GRM8: variants seen among roughly 807,000 people sequenced by gnomAD.
The protein encoded by GRM8 is glutamate metabotropic receptor 8.
A neutral mutation model predicts 87.2 loss-of-function variants in GRM8; 47 were observed. The ratio of observed to expected loss-of-function variants is 0.54; its 90% CI spans 0.43 to 0.69. The LOEUF is 0.69. Among genes scored for constraint, GRM8 ranks in the 30% least tolerant of loss-of-function variants. GRM8 has a pLI of 0.00. For synonymous variants in GRM8, 396 were observed against 404.5 expected, an observed-to-expected ratio of 0.98 and a Z score of 0.25; for missense variants, 1,019 against 1,139.2, an observed-to-expected ratio of 0.89 and a Z score of 1.52.
At chr7:126,938,431 C>A (rs1348862676) in intron 3 of GRM8, among the ~76,000 whole-genome samples, 1 of 152,066 alleles carries the variant, frequency 6.6e-6, no homozygotes, top group Non-Finnish European at 1.5e-5. Flanking sequence ...AAACCTGTAC[C>A]CTAATTAATA....
chr7:127,119,157 C>T (rs570421080), intron 2 of GRM8, among the ~76,000 whole-genome samples: 2 of 152,156 alleles, frequency 1.3e-5, no homozygotes, highest in South Asian at 4.2e-4. Flanking sequence ...AGAGAGAGCA[C>T]ATCTAAATAC....
At chr7:126,680,928 A>T (rs552922486) in intron 7 of GRM8, among the ~76,000 whole-genome samples, 1 of 152,304 alleles carries the variant, frequency 6.6e-6, no homozygotes, top group East Asian at 1.9e-4. Context: ...ACACGTATGT[A>T]TTCACCTGTG....
intron 8 of GRM8, among the ~76,000 whole-genome samples, chr7:126,584,729 G>A (rs529530539): frequency 1.6e-4 from 24 of 151,988 alleles, no homozygotes; most frequent in Admixed American, 3.3e-4. Context: ...CCCAAATAAC[G>A]TTTGTCGTTT....
intron 7 of GRM8, among the ~76,000 whole-genome samples, chr7:126,647,969 T>C (rs542811522): frequency 2.6e-5 from 4 of 152,198 alleles, no homozygotes; most frequent in Non-Finnish European, 5.9e-5. Context: ...CCAAAGTTTT[T>C]ACTATCACTT....
rs773486344 is a variant in GRM8, at chr7:126,904,029, G to C, written c.961C>G (p.Gln321Glu). 12 of 1,594,366 alleles carry C rather than the reference G, an allele frequency of 7.5e-6. No homozygotes were observed. In the East Asian group the frequency reaches 2.2e-4, roughly 30 times the overall value. Residue 321 changes from glutamine (Q) to glutamate (E), a missense_variant, in exon 5 of 11, where the codon CAA (glutamine) becomes GAA (glutamate). Gln to Glu is a conservative substitution (Grantham distance 29). Transcript: ENST00000339582. ...WGSKIAPVYQQEEIAEGAVTI... is the reference protein window; with the variant it reads ...WGSKIAPVYQEEEIAEGAVTI... ...ACAGCCCCTTCTGCAATCTCCTCTT[G>C]CTGATAGACAGGTGCTATTTTGGAT...
chr7:126,595,833 T>C (rs1235208932), intron 8 of GRM8, among the ~76,000 whole-genome samples: 1 of 152,214 alleles, frequency 6.6e-6, no homozygotes, highest in African/African-American at 2.4e-5. Flanking sequence ...CGTGTGTCTT[T>C]ATGATAGAAT....
chr7:126,972,365 A>G (rs1482269504), intron 3 of GRM8, among the ~76,000 whole-genome samples: 2 of 152,198 alleles, frequency 1.3e-5, no homozygotes, highest in East Asian at 3.8e-4. Context: ...ACTGATGTTG[A>G]GTAGACACAA....
chr7:126,723,393 C>T (rs115441707), intron 7 of GRM8, among the ~76,000 whole-genome samples: 102 of 152,110 alleles, frequency 6.7e-4, no homozygotes, highest in Non-Finnish European at 1.4e-3. Flanking sequence ...CTGCGGCCAA[C>T]GGAACAGGCC....
intron 3 of GRM8, among the ~76,000 whole-genome samples, chr7:127,001,182 T>A (rs116985148): frequency 2.4e-4 from 36 of 151,798 alleles, no homozygotes; most frequent in South Asian, 8.3e-4. Context: ...GTTTTCAACA[T>A]ATTGTATGGA....
rs188290255 is a variant in GRM8 at position 126,463,597 on chromosome 7, G to C, written c.2431-17225C>G. 9.2e-5 allele frequency among the ~76,000 whole-genome samples: 14 copies of C among 151,734 alleles called. No individual in the cohort carries two copies. In the East Asian group the frequency reaches 2.5e-3, roughly 28 times the overall value. ...GTTAGGGAAAGAAAGCACCAAGCTA[G>C]GCTTTTTATTAAATTTTCAAGGAAG... On this transcript the variant is annotated intron_variant, in intron 9 of 10. Coordinates refer to ENST00000339582, the MANE Select transcript of GRM8 (RefSeq NM_000845.3).
chr7:126,607,193 A>G (rs1451761874), intron 8 of GRM8, among the ~76,000 whole-genome samples: 1 of 152,230 alleles, frequency 6.6e-6, no homozygotes, highest in Non-Finnish European at 1.5e-5. Flanking sequence ...ATAAATGTCA[A>G]TATGGATTGC....
intron 7 of GRM8, among the ~76,000 whole-genome samples, chr7:126,626,604 T>A (rs1044262260): frequency 3.3e-5 from 5 of 152,334 alleles, no homozygotes; most frequent in African/African-American, 1.2e-4. Context: ...CTTGACACAA[T>A]ACCAATGGTC....
At chr7:126,714,126 A>T (rs1811447295) in intron 7 of GRM8, among the ~76,000 whole-genome samples, 1 of 150,844 alleles carries the variant, frequency 6.6e-6, no homozygotes, top group African/African-American at 2.4e-5. Flanking sequence ...AAAAATACAA[A>T]AATTAGCTGG....
chr7:127,225,124 G>A (rs1797237621), intron 2 of GRM8, among the ~76,000 whole-genome samples: 1 of 152,212 alleles, frequency 6.6e-6, no homozygotes, highest in Non-Finnish European at 1.5e-5. Flanking sequence ...GAGGAGGAAT[G>A]GAGGCATCTG....
intron 6 of GRM8, among the ~76,000 whole-genome samples, chr7:126,811,381 AT>A (rs1313243636): frequency 3.3e-5 from 5 of 150,088 alleles, no homozygotes; most frequent in Non-Finnish European, 1.5e-5. Context: ...AGGTTTTAGG[AT>A]TTTTTTTCTA....
At chr7:126,835,148 C>G (rs576521291) in intron 6 of GRM8, among the ~76,000 whole-genome samples, 1 of 151,342 alleles carries the variant, frequency 6.6e-6, no homozygotes, top group East Asian at 1.9e-4. Flanking sequence ...ATTAAAATTA[C>G]TTTTACCATG....
intron 9 of GRM8, among the ~76,000 whole-genome samples, chr7:126,458,137 G>C (rs1236267865): frequency 6.6e-6 from 1 of 150,638 alleles, no homozygotes; most frequent in Non-Finnish European, 1.5e-5. Flanking sequence ...AACTTGATCA[G>C]TTAAAATAAT....
chr7:127,192,215 G>A (rs1795065668), intron 2 of GRM8, among the ~76,000 whole-genome samples: 1 of 152,166 alleles, frequency 6.6e-6, no homozygotes, highest in Admixed American at 6.5e-5. Context: ...AGTAAACAGA[G>A]CAAATGCATA....
At chr7:126,784,591 G>A (rs924748251) in intron 6 of GRM8, among the ~76,000 whole-genome samples, 3 of 152,112 alleles carry the variant, frequency 2.0e-5, no homozygotes, top group South Asian at 2.1e-4. Flanking sequence ...ATGTACACAC[G>A]TTCCTAAATA....
Sources: gnomAD v4.1 joint callset for allele counts (sites outside exome capture counted in the v4.1 genomes callset) on GRCh38, gnomAD v4.1.1 for gene constraint, MANE v1.5 for transcripts, NCBI Gene and HGNC (gene_info 2026-07-23, HGNC 2026-07-21) for gene names.